Variants in CACNB4 observed in about 807,000 individuals in gnomAD.
CACNB4 encodes calcium voltage-gated channel auxiliary subunit beta 4.
Under a neutral mutation model 71.2 loss-of-function variants are expected in CACNB4, and 32 were observed. The observed-to-expected ratio is 0.45, with a 90% confidence interval of 0.34 to 0.60. The LOEUF (loss-of-function observed/expected upper bound fraction) is 0.60, where lower values mean the gene tolerates loss of function less well. Among genes scored for constraint, CACNB4 ranks in the 20% least tolerant of loss-of-function variants. The probability of loss-of-function intolerance (pLI) is 0.01; values close to 1 mark genes in which losing one functional copy is unlikely to be tolerated. For missense variants in CACNB4, 464 were observed against 647.9 expected (o/e 0.72, Z 3.08); for synonymous variants, 231 against 236.9 (o/e 0.97, Z 0.23).
chr2:152,069,843 T>G (rs2105366563), intron 2 of CACNB4, among the ~76,000 whole-genome samples: 1 of 146,762 alleles, frequency 6.8e-6, no homozygotes, highest in South Asian at 2.2e-4. Flanking sequence ...CAATCTTTTT[T>G]TTTTTTTTTT....
intron 13 of CACNB4, among the ~76,000 whole-genome samples, chr2:151,840,140 G>A (rs2099835797): frequency 6.6e-6 from 1 of 152,128 alleles, no homozygotes; most frequent in Non-Finnish European, 1.5e-5. Flanking sequence ...ATCTACTTGT[G>A]TCTACTGGTT....
chr2:151,981,317 G>T (rs920963626), intron 2 of CACNB4, among the ~76,000 whole-genome samples: 6 of 132,798 alleles, frequency 4.5e-5, no homozygotes, highest in African/African-American at 1.7e-4. Flanking sequence ...TTCACACTGT[G>T]AGCCTTGATG....
At chr2:152,032,468 A>G (rs1360261022) in intron 2 of CACNB4, among the ~76,000 whole-genome samples, 1 of 152,256 alleles carries the variant, frequency 6.6e-6, no homozygotes, top group African/African-American at 2.4e-5. Flanking sequence ...TCAGTCGGTC[A>G]TGATTTTAAG....
intron 2 of CACNB4, among the ~76,000 whole-genome samples, chr2:151,939,717 C>T (rs1056118941): frequency 6.6e-6 from 1 of 152,130 alleles, no homozygotes; most frequent in African/African-American, 2.4e-5. Flanking sequence ...CATGTGAATA[C>T]CCCTCTCTTT....
intron 2 of CACNB4, among the ~76,000 whole-genome samples, chr2:152,003,977 C>A (rs1258694816): frequency 6.6e-6 from 1 of 152,060 alleles, no homozygotes; most frequent in Non-Finnish European, 1.5e-5. Context: ...CCCAAGTACT[C>A]GGACCACAGG....
At chr2:151,950,873 C>T (rs537342724) in intron 2 of CACNB4, among the ~76,000 whole-genome samples, 10 of 152,256 alleles carry the variant, frequency 6.6e-5, no homozygotes, top group African/African-American at 1.2e-4. Flanking sequence ...AAAATGCTTC[C>T]GAACTAGATA....
intron 2 of CACNB4, among the ~76,000 whole-genome samples, chr2:152,037,414 C>T (rs890559189): frequency 6.6e-6 from 1 of 152,320 alleles, no homozygotes; most frequent in African/African-American, 2.4e-5. Context: ...TCAATCTTTG[C>T]TAAAGAAATA....
chr2:151,867,515 A>G (rs1400812859), intron 9 of CACNB4: 1 of 152,238 alleles, frequency 6.6e-6, no homozygotes. Flanking sequence ...CCAATGCTCT[A>G]GGATTCAGGG....
chr2:152,059,850 G>T (rs1282744203), intron 2 of CACNB4, among the ~76,000 whole-genome samples: 1 of 152,214 alleles, frequency 6.6e-6, no homozygotes, highest in Non-Finnish European at 1.5e-5. Context: ...TGTCTAGGGA[G>T]TGACAAGGAG....
intron 2 of CACNB4, among the ~76,000 whole-genome samples, chr2:151,965,640 T>A (rs1303593541): frequency 7.0e-6 from 1 of 143,194 alleles, no homozygotes; most frequent in Non-Finnish European, 1.5e-5. Context: ...TCAGATACCT[T>A]AGCCAAGAAG....
At chr2:151,979,662 G>C (rs1426943506) in intron 2 of CACNB4, among the ~76,000 whole-genome samples, 1 of 152,120 alleles carries the variant, frequency 6.6e-6, no homozygotes, top group Non-Finnish European at 1.5e-5. Flanking sequence ...TCGAATTGTT[G>C]ACTGGTCCAC....
chr2:151,972,565 TAG>T (rs1239588396), intron 2 of CACNB4: 12 of 152,184 alleles, frequency 7.9e-5, no homozygotes, highest in Admixed American at 7.9e-4. Flanking sequence ...GAAACAGAGT[TAG>T]AGTTAGAGAA....
chr2:151,917,226 A>C (rs561044847), intron 2 of CACNB4, among the ~76,000 whole-genome samples: 3 of 152,244 alleles, frequency 2.0e-5, no homozygotes, highest in Non-Finnish European at 4.4e-5. Flanking sequence ...CTGCTATGAA[A>C]GACTGAAATC....
At chr2:151,850,141 C>CTTTTTTTTTTTTTT (rs750436136) in intron 12 of CACNB4, 8 of 98,160 alleles carry the variant, frequency 8.1e-5, no homozygotes, top group African/African-American at 9.7e-5. Context: ...TTCTTTCTTT[C>CTTTTTTTTTTTTTT]TTTTTTTTTT....
chr2:151,877,094 GATATCTATATATACATAT>G (rs1270815247), intron 4 of CACNB4, among the ~76,000 whole-genome samples: 3 of 95,476 alleles, frequency 3.1e-5, no homozygotes, highest in East Asian at 5.2e-4. Context: ...TATACACATA[GATATCTATATATACATAT>G]ATATCTATAT....
intron 4 of CACNB4, among the ~76,000 whole-genome samples, chr2:151,878,495 A>T (rs1210069686): frequency 6.6e-6 from 1 of 150,688 alleles, no homozygotes; most frequent in African/African-American, 2.4e-5. Flanking sequence ...AGGTAAGAGG[A>T]TCAGTTGAGG....
At chr2:152,007,769 A>G (rs1009140745) in intron 2 of CACNB4, among the ~76,000 whole-genome samples, 4 of 145,546 alleles carry the variant, frequency 2.7e-5, no homozygotes, top group African/African-American at 1.1e-4. Context: ...TGGTAATTCT[A>G]CGTAATTTTT....
intron 2 of CACNB4, among the ~76,000 whole-genome samples, chr2:152,034,310 G>T (rs1209091592): frequency 1.3e-5 from 2 of 152,196 alleles, no homozygotes; most frequent in Non-Finnish European, 2.9e-5. Context: ...GCAGGGGAAG[G>T]AAAAGCAGAG....
intron 2 of CACNB4, among the ~76,000 whole-genome samples, chr2:152,075,194 T>A (rs1266443541): frequency 6.6e-6 from 1 of 152,228 alleles, no homozygotes; most frequent in Admixed American, 6.5e-5. Context: ...TTATTTCACA[T>A]TATTACTTGC....
Sources: allele counts gnomAD v4.1 joint callset (sites outside exome capture counted in the v4.1 genomes callset), GRCh38; gene constraint gnomAD v4.1.1; transcripts MANE v1.5; gene names NCBI Gene and HGNC (gene_info 2026-07-23, HGNC 2026-07-21).